Variants in HPSE2 observed in about 807,000 individuals in gnomAD.
The protein encoded by HPSE2 is heparanase 2 (inactive), also known as inactive heparanase-2.
In HPSE2, 38 loss-of-function variants were observed where a neutral mutation model predicts 60.5. The observed-to-expected ratio is 0.63, with a 90% CI of 0.48 to 0.82. The LOEUF is 0.82. HPSE2 is among the 40% of genes least tolerant of loss of function. The probability of loss-of-function intolerance (pLI) is 0.00; values close to 1 mark genes in which losing one functional copy is unlikely to be tolerated. For synonymous variants in HPSE2, 295 were observed against 293.2 expected (o/e 1.01, Z -0.06); for missense variants, 713 against 740.4 (o/e 0.96, Z 0.43).
At chr10:99,262,279 T>C in the HPSE2 span, among the ~76,000 whole-genome samples, 1 of 152,196 alleles carries the variant, frequency 6.6e-6, no homozygotes, top group Non-Finnish European at 1.5e-5. Flanking sequence ...CCAACTCTGG[T>C]GCCAACTTGG....
At chr10:98,913,267 G>A (rs1239852598) in intron 3 of HPSE2, among the ~76,000 whole-genome samples, 1 of 152,148 alleles carries the variant, frequency 6.6e-6, no homozygotes. Context: ...GAAACCTCCA[G>A]TAGCCAATAA....
chr10:99,282,244 A>T, the HPSE2 span, among the ~76,000 whole-genome samples: 1 of 152,042 alleles, frequency 6.6e-6, no homozygotes, highest in Admixed American at 6.6e-5. Flanking sequence ...GGGCAACAGC[A>T]CAAGACTCCG....
intron 2 of HPSE2, among the ~76,000 whole-genome samples, chr10:99,209,924 G>A (rs772607885): frequency 2.0e-5 from 3 of 152,126 alleles, no homozygotes; most frequent in East Asian, 1.9e-4. Context: ...TCCTGACCTC[G>A]TGATCTGCCC....
intron 2 of HPSE2, among the ~76,000 whole-genome samples, chr10:99,167,553 T>C (rs576542797): frequency 1.3e-5 from 2 of 152,358 alleles, no homozygotes; most frequent in Admixed American, 6.5e-5. Context: ...CTTTGCATCT[T>C]TGTCAAAAAT....
At position 99,184,786 on chromosome 10, in the gene HPSE2, TTA is replaced by T. The variant is rs1191226144; in HGVS notation, c.449-40389_449-40388del. Among the ~76,000 whole-genome samples, 211 of 25,234 alleles carry T rather than the reference TTA, an allele frequency of 8.4e-3. 7 individuals are homozygous for T. The highest frequency in any genetic ancestry group is 0.033 in the Middle Eastern group (1 of 30). 16.6% of individuals were successfully genotyped at this position (25,234 alleles called of 152,430 possible). A position where few individuals can be genotyped will look rare whatever the true frequency, so the allele number is the denominator to read the frequency against. Reference sequence around the variant, plus strand: ...GATGTGGCAACAGAACTATCCAAAATTATATATATATATATATATATATATAT... The same window carrying T: ...GATGTGGCAACAGAACTATCCAAAATTATATATATATATATATATATATAT... On this transcript the variant is annotated intron_variant, in intron 2 of 11. Transcript: ENST00000370552.
chr10:99,240,373 T>C (rs1166931229), upstream of HPSE2, among the ~76,000 whole-genome samples: 1 of 151,844 alleles, frequency 6.6e-6, no homozygotes, highest in Admixed American at 6.6e-5. Flanking sequence ...TATTGCAAGA[T>C]GTACAGCTAA....
intron 3 of HPSE2, among the ~76,000 whole-genome samples, chr10:98,909,614 G>A (rs1016232666): frequency 6.7e-6 from 1 of 149,998 alleles, no homozygotes; most frequent in African/African-American, 2.5e-5. Flanking sequence ...GGGCGACAGA[G>A]TGAGGCTCCG....
chr10:99,018,586 TAA>T (rs146281399), intron 3 of HPSE2, among the ~76,000 whole-genome samples: 11,875 of 152,226 alleles, frequency 0.078, 611 homozygotes, highest in Non-Finnish European at 0.11. Context: ...TACAGAGTAG[TAA>T]AGTTTCCAAA....
intron 2 of HPSE2, among the ~76,000 whole-genome samples, chr10:99,200,174 T>C (rs1243414786): frequency 2.0e-5 from 3 of 151,750 alleles, no homozygotes; most frequent in Admixed American, 2.0e-4. Context: ...TGGTAAATTT[T>C]ATATTATGTG....
chr10:98,691,051 C>A (rs763271200), intron 6 of HPSE2, among the ~76,000 whole-genome samples: 1 of 152,172 alleles, frequency 6.6e-6, no homozygotes, highest in Non-Finnish European at 1.5e-5. Context: ...TTTTTACTAA[C>A]AATGTCCCTC....
At chr10:98,960,418 TAA>T (rs971638996) in intron 3 of HPSE2, among the ~76,000 whole-genome samples, 1 of 152,136 alleles carries the variant, frequency 6.6e-6, no homozygotes, top group African/African-American at 2.4e-5. Context: ...AGTAGTAAAA[TAA>T]AGTTTACTTT....
intron 9 of HPSE2, among the ~76,000 whole-genome samples, chr10:98,569,897 A>T (rs972409441): frequency 4.6e-5 from 7 of 152,180 alleles, no homozygotes; most frequent in African/African-American, 1.7e-4. Context: ...TCCAACTCCC[A>T]AACAACTGCC....
chr10:99,225,531 G>C (rs1849444310), intron 2 of HPSE2, among the ~76,000 whole-genome samples: 1 of 152,068 alleles, frequency 6.6e-6, no homozygotes, highest in Non-Finnish European at 1.5e-5. Flanking sequence ...TATAAAACTT[G>C]CAATGTAAGG....
intron 9 of HPSE2, among the ~76,000 whole-genome samples, chr10:98,586,103 T>C (rs1944933571): frequency 1.3e-5 from 2 of 152,096 alleles, no homozygotes; most frequent in African/African-American, 4.8e-5. Flanking sequence ...AAAAAAGACA[T>C]GGACACTATT....
At chr10:98,729,088 G>A (rs952358798) in intron 4 of HPSE2, among the ~76,000 whole-genome samples, 4 of 151,822 alleles carry the variant, frequency 2.6e-5, no homozygotes, top group Non-Finnish European at 5.9e-5. Flanking sequence ...TACATAAAAA[G>A]GCATGAAAAG....
At position 98,875,548 on chromosome 10, in the gene HPSE2, CA is replaced by C. The variant is rs774488934; in HGVS notation, c.611-131493del. ...AGGCAGTAATTAATAGCCTACCAAC[CA>C]AAAAAAAAACCATGACCAGATGGAT... On this transcript the variant is annotated intron_variant, in intron 3 of 11. Coordinates refer to ENST00000370552, the MANE Select transcript of HPSE2 (RefSeq NM_021828.5). Among the ~76,000 whole-genome samples, 146 of 146,558 alleles carry C rather than the reference CA, an allele frequency of 1.0e-3. 6 individuals are homozygous for C. The East Asian group carries it at 0.016, about 16-fold the overall frequency.
At chr10:99,068,021 T>C (rs1842669518) in intron 3 of HPSE2, among the ~76,000 whole-genome samples, 1 of 152,170 alleles carries the variant, frequency 6.6e-6, no homozygotes, top group African/African-American at 2.4e-5. Flanking sequence ...CACCAGTCTC[T>C]TTGCATAGCA....
chr10:99,207,020 C>G (rs1189620843), intron 2 of HPSE2, among the ~76,000 whole-genome samples: 1 of 151,948 alleles, frequency 6.6e-6, no homozygotes, highest in East Asian at 1.9e-4. Flanking sequence ...TTTTCCAAAT[C>G]TAGAGAAAGA....
chr10:99,095,018 T>A (rs1843671634), intron 3 of HPSE2, among the ~76,000 whole-genome samples: 1 of 151,950 alleles, frequency 6.6e-6, no homozygotes, highest in South Asian at 2.1e-4. Flanking sequence ...TGAGACTCCA[T>A]CTCTACAAAA....
Sources: allele counts gnomAD v4.1 joint callset (sites outside exome capture counted in the v4.1 genomes callset), GRCh38; gene constraint gnomAD v4.1.1; transcripts MANE v1.5; gene names NCBI Gene and HGNC (gene_info 2026-07-23, HGNC 2026-07-21).